The following SLC2A14 variants were observed in gnomAD, a reference collection of about 807,000 sequenced individuals.
SLC2A14 encodes solute carrier family 2, facilitated glucose transporter member 14.
SLC2A14 carries 13 observed loss-of-function variants against 43.0 expected under a neutral mutation model. The ratio of observed to expected loss-of-function variants is 0.30; its 90% CI spans 0.20 to 0.48. The LOEUF is 0.48. Ranked by LOEUF, SLC2A14 falls within the 20% of genes least tolerant of loss-of-function variation. SLC2A14 has a pLI of 0.99. For synonymous variants in SLC2A14, 190 were observed against 233.8 expected, an observed-to-expected ratio of 0.81 and a Z score of 1.71; for missense variants, 428 against 620.4, an observed-to-expected ratio of 0.69 and a Z score of 3.29.
intron 1 of SLC2A14, among the ~76,000 whole-genome samples, chr12:7,879,513 C>G (rs1295927767): frequency 2.6e-5 from 4 of 151,792 alleles, no homozygotes; most frequent in Non-Finnish European, 5.9e-5. Context: ...GAAACTACAT[C>G]TCTACTAAAA....
chr12:7,843,242 A>C (rs1264149150), intron 2 of SLC2A14, among the ~76,000 whole-genome samples: 1 of 150,874 alleles, frequency 6.6e-6, no homozygotes, highest in Non-Finnish European at 1.5e-5. Flanking sequence ...AATGAAGCGC[A>C]TTAGACTGAG....
Position 7,817,725 on chromosome 12 carries a change from G to A in SLC2A14, c.1275+106C>T. ...ATCGGGCAACTGCACACCAGGGCGA[G>A]ACTCAGTCTCAAAAATATATATATA... On this transcript the variant is annotated intron_variant, in intron 10 of 10. Coordinates refer to ENST00000431042, the MANE Select transcript of SLC2A14 (RefSeq NM_001286234.2). The A allele has an allele frequency of 1.5e-5, 14 of 946,436 alleles. No individual in the cohort carries two copies. The South Asian group carries it at 3.3e-4, about 22-fold the overall frequency. 58.6% of individuals were successfully genotyped at this position (946,436 alleles called of 1,614,324 possible).
chr12:7,891,170 C>A, upstream of SLC2A14: 1 of 1,522,498 alleles, frequency 6.6e-7, no homozygotes, highest in South Asian at 1.2e-5. Flanking sequence ...GCCAGCTGCT[C>A]CCAGTGCAGA....
At chr12:7,840,366 GTTTTGTTTTTGT>G (rs567400675) in intron 2 of SLC2A14, among the ~76,000 whole-genome samples, 21 of 151,832 alleles carry the variant, frequency 1.4e-4, no homozygotes, top group South Asian at 2.1e-4. Context: ...AGATTACTCA[GTTTTGTTTTTGT>G]TTTTGTTTTT....
rs117998184 is a variant in SLC2A14, at chr12:7,859,705, C to T, written c.18+10158G>A. 5.9e-5 allele frequency among the ~76,000 whole-genome samples: 9 copies of T among 152,152 alleles called. No homozygotes were observed. In the East Asian group the frequency reaches 1.7e-3, roughly 29 times the overall value. ...ATGTGGGGGAAGTGACCCAGGAGTT[C>T]AGTAGATTATTACAATATCCTGATG... On this transcript the variant is annotated intron_variant, in intron 2 of 10. Coordinates refer to ENST00000431042, the MANE Select transcript of SLC2A14 (RefSeq NM_001286234.2).
At chr12:7,859,324 T>C (rs933256570) in intron 2 of SLC2A14, among the ~76,000 whole-genome samples, 1 of 151,572 alleles carries the variant, frequency 6.6e-6, no homozygotes, top group Admixed American at 6.6e-5. Context: ...CAGGAGGCAG[T>C]GGTTGCGATG....
At chr12:7,876,303 A>AAAAAAAAAGAG (rs1555149216), upstream of SLC2A14, among the ~76,000 whole-genome samples, 1 of 133,660 alleles carries the variant, frequency 7.5e-6, no homozygotes, top group African/African-American at 2.8e-5. Context: ...AAAAAAAAAA[A>AAAAAAAAAGAG]AGAGAGACAA....
chr12:7,873,973 T>C (rs1169843663), upstream of SLC2A14, among the ~76,000 whole-genome samples: 1 of 152,072 alleles, frequency 6.6e-6, no homozygotes, highest in Admixed American at 6.6e-5. Flanking sequence ...CAAGGGCCAT[T>C]AAAAGGGTCT....
In SLC2A14 at chr12:7,824,707, G is replaced by A. The variant is rs184795211; in HGVS notation, c.864+2788C>T. ...GAGATTGTGCCACTACACTCCAGCC[G>A]GGGTGACAGAGACTCTGTCTCAAAA... is the stretch of plus-strand genomic sequence containing the variant. On this transcript the variant is annotated intron_variant, in intron 7 of 10. Transcript: ENST00000431042. Among the ~76,000 whole-genome samples, 627 of 147,736 alleles carry A rather than the reference G, an allele frequency of 4.2e-3. 23 individuals carry two copies. The East Asian group carries it at 0.06, about 14-fold the overall frequency.
At chr12:7,821,065 C>A (rs1239474994) in intron 8 of SLC2A14, among the ~76,000 whole-genome samples, 156 bp downstream of exon 8, 1 of 151,786 alleles carries the variant, frequency 6.6e-6, no homozygotes, top group Non-Finnish European at 1.5e-5. Flanking sequence ...CCAGCCTGGG[C>A]AACAGAGCAA....
intron 2 of SLC2A14, among the ~76,000 whole-genome samples, chr12:7,867,899 C>A (rs7965592): frequency 6.7e-6 from 1 of 149,964 alleles, no homozygotes; most frequent in East Asian, 1.9e-4. Context: ...TCCTAGTAAA[C>A]GTGTTGTGAA....
chr12:7,823,057 ATGTT>A (rs1357346338), intron 7 of SLC2A14, among the ~76,000 whole-genome samples: 1 of 152,108 alleles, frequency 6.6e-6, no homozygotes, highest in African/African-American at 2.4e-5. Context: ...ATAAATTACT[ATGTT>A]TGTTATTTAC....
chr12:7,878,706 G>A (rs1945506786), intron 1 of SLC2A14, among the ~76,000 whole-genome samples: 1 of 151,776 alleles, frequency 6.6e-6, no homozygotes, highest in Non-Finnish European at 1.5e-5. Flanking sequence ...GAGCCAGGTG[G>A]GGTGGCTCAG....
In SLC2A14 at chr12:7,813,517, TTAAAGA is replaced by T. The variant is rs1265725434; in HGVS notation, c.*793_*798del. 5.9e-5 allele frequency: 9 copies of T among 152,316 alleles called. No individual in the cohort carries two copies. The highest frequency in any genetic ancestry group is 1.9e-4 in the African/African-American group (8 of 41,568). 9.4% of individuals were successfully genotyped at this position (152,316 alleles called of 1,614,324 possible). On this transcript the variant is annotated 3_prime_UTR_variant, in exon 11 of 11. Coordinates refer to ENST00000431042, the MANE Select transcript of SLC2A14 (RefSeq NM_001286234.2). Reference sequence around the variant, plus strand: ...GTACTACTACATGTAAACTATTATCTTAAAGATAAAGTTCCAAAGGAAATGAGTAGC... The same window carrying T: ...GTACTACTACATGTAAACTATTATCTTAAAGTTCCAAAGGAAATGAGTAGC...
intron 7 of SLC2A14, among the ~76,000 whole-genome samples, chr12:7,822,376 T>C (rs1397452097): frequency 6.6e-6 from 1 of 151,910 alleles, no homozygotes; most frequent in African/African-American, 2.4e-5. Context: ...CCAACTTATA[T>C]GAAGGTGTAG....
intron 2 of SLC2A14, among the ~76,000 whole-genome samples, chr12:7,860,917 C>T (rs754060541): frequency 1.3e-5 from 2 of 151,904 alleles, no homozygotes; most frequent in Non-Finnish European, 2.9e-5. Context: ...CTCAGCCTCC[C>T]GAGTAGCTAG....
At chr12:7,865,241 A>T (rs1944841766) in intron 2 of SLC2A14, among the ~76,000 whole-genome samples, 1 of 152,144 alleles carries the variant, frequency 6.6e-6, no homozygotes. Flanking sequence ...TGAATATACA[A>T]AAATTAGCCA....
At chr12:7,843,085 G>T (rs1866122123) in intron 2 of SLC2A14, among the ~76,000 whole-genome samples, 1 of 152,098 alleles carries the variant, frequency 6.6e-6, no homozygotes, top group East Asian at 1.9e-4. Context: ...GGAGAATGGG[G>T]TATCCATCTC....
At position 7,812,763 on chromosome 12, in the gene SLC2A14, C is replaced by A. The variant is rs1043796964; in HGVS notation, c.*1553G>T. ...CAGAGGGAACAGTGAGAACTGAGAA[C>A]CAAAATACTGTCACTGGCAAGGGTT... On this transcript the variant is annotated 3_prime_UTR_variant, in exon 11 of 11. Coordinates refer to ENST00000431042, the MANE Select transcript of SLC2A14 (RefSeq NM_001286234.2). 1.3e-4 allele frequency: 20 copies of A among 152,062 alleles called. No homozygotes were observed. Among genetic ancestry groups the A allele is most frequent in the African/African-American group, 4.6e-4 (19 of 41,390 alleles). 9.4% of individuals were successfully genotyped at this position (152,062 alleles called of 1,614,324 possible).
Sources: allele counts gnomAD v4.1 joint callset (sites outside exome capture counted in the v4.1 genomes callset), GRCh38; gene constraint gnomAD v4.1.1; transcripts MANE v1.5; gene names NCBI Gene and HGNC (gene_info 2026-07-23, HGNC 2026-07-21).